The following MARF1 variants were observed in gnomAD, a reference collection of about 807,000 sequenced individuals.
The protein encoded by MARF1 is meiosis regulator and mRNA stability factor 1, also known as limkain-b1.
Under a neutral mutation model 168.2 loss-of-function variants are expected in MARF1, and 24 were observed. That is an observed-to-expected ratio of 0.14 (90% CI 0.10 to 0.20). The LOEUF (loss-of-function observed/expected upper bound fraction) is 0.20. Among genes scored for constraint, MARF1 ranks in the 10% least tolerant of loss-of-function variants. MARF1 has a pLI of 1.00. For synonymous variants in MARF1, 868 were observed against 822.4 expected (o/e 1.06, Z -0.95); for missense variants, 1,744 against 2,143.6 (o/e 0.81, Z 3.68).
Position 15,630,479 on chromosome 16 carries a change from A to G in MARF1, c.1377T>C (p.Leu459=). 2 of 1,613,676 alleles carry G rather than the reference A, an allele frequency of 1.2e-6. No homozygotes were observed. Among genetic ancestry groups the G allele is most frequent in the Non-Finnish European group, 1.7e-6 (2 of 1,179,846 alleles). ...AACCATGCCTGTGTCTCAGGTCACT[A>G]AGTTCCAATGCAAAATTGACATCAG... ...VSTDVNFALE[L]SDLRHRHGFH... Residue 459 remains leucine, a synonymous_variant, in exon 7 of 27, where the codon CTT becomes CTC. Transcript: ENST00000396368.
chr16:15,637,800 T>C (rs2035693176), intron 2 of MARF1, among the ~76,000 whole-genome samples: 2 of 152,192 alleles, frequency 1.3e-5, no homozygotes, highest in Admixed American at 1.3e-4. Flanking sequence ...CCAAATTACT[T>C]GATGTCTTGC....
chr16:15,630,550 C>T, intron 6 of MARF1, 46 bp from the exon 7 acceptor site: 2 of 1,541,472 alleles, frequency 1.3e-6, no homozygotes, highest in Middle Eastern at 2.3e-4. Context: ...ACATTAGAAA[C>T]ACTTGACAAA....
At position 15,629,339 on chromosome 16, in the gene MARF1, T is replaced by C. The variant is rs539967335; in HGVS notation, c.1524+993A>G. Among the ~76,000 whole-genome samples the C allele has an allele frequency of 5.3e-5, 8 of 152,254 alleles. No homozygotes were observed. The South Asian group carries it at 1.2e-3, about 24-fold the overall frequency. Reference sequence around the variant, plus strand: ...GGTATCCACAACTCTCAACTGTCCATAGCATGAGTTTCAACTTAAGCCAGA... The same window carrying C: ...GGTATCCACAACTCTCAACTGTCCACAGCATGAGTTTCAACTTAAGCCAGA... On this transcript the variant is annotated intron_variant, in intron 7 of 26. Transcript: ENST00000396368.
chr16:15,620,565 A>T (rs1467946300), intron 12 of MARF1, 34 bp from the exon 13 acceptor site: 1 of 1,332,770 alleles, frequency 7.5e-7, no homozygotes, highest in Admixed American at 2.0e-5. Context: ...GGAACAGACC[A>T]TTTCCTCCAT....
Position 15,600,074 on chromosome 16 carries a change from G to A in MARF1, c.4813+354C>T, listed in dbSNP as rs527391558. Reference sequence around the variant, plus strand: ...CCACTGAGCCCTCACTCTGCTCCTAGGCTATGTATTGGGAGTTGGCTCTCT... The same window carrying A: ...CCACTGAGCCCTCACTCTGCTCCTAAGCTATGTATTGGGAGTTGGCTCTCT... On this transcript the variant is annotated intron_variant, in intron 25 of 26. Coordinates refer to ENST00000396368, the MANE Select transcript of MARF1 (RefSeq NM_014647.4). Among the ~76,000 whole-genome samples the A allele has an allele frequency of 1.3e-4, 20 of 152,232 alleles. 1 individual carries two copies. In the South Asian group the frequency reaches 4.1e-3, roughly 32 times the overall value.
In MARF1 at chr16:15,625,696, C is replaced by G; in HGVS notation, c.1629G>C (p.Val543=). Reference sequence around the variant, plus strand: ...TTGCACTGCAGCCTGTGATACTCAGCACTTTCCCACCACAATTATCGGACA... The same window carrying G: ...TTGCACTGCAGCCTGTGATACTCAGGACTTTCCCACCACAATTATCGGACA... ...RRLSDNCGGK[V]LSITGCSAIL... is the part of the protein sequence containing the mutation. Residue 543 remains valine (V), a synonymous_variant, in exon 8 of 27, where the codon GTG becomes GTC. Coordinates refer to ENST00000396368, the MANE Select transcript of MARF1 (RefSeq NM_014647.4). 1.2e-6 allele frequency: 2 copies of G among 1,614,232 alleles called. No individual in the cohort carries two copies. The highest frequency in any genetic ancestry group is 1.7e-6 in the Non-Finnish European group (2 of 1,180,040).
intron 22 of MARF1, among the ~76,000 whole-genome samples, chr16:15,603,011 G>A (rs563594174): frequency 3.9e-5 from 6 of 152,302 alleles, no homozygotes; most frequent in Non-Finnish European, 7.3e-5. Flanking sequence ...CTATGGAATC[G>A]CCAAGAGAAA....
At chr16:15,601,026 A>AT (rs1468291073) in intron 23 of MARF1, 21 of 587,260 alleles carry the variant, frequency 3.6e-5, no homozygotes, top group Non-Finnish European at 5.1e-5. Flanking sequence ...GCTCTTTGCC[A>AT]TTTTTTTGCA....
intron 18 of MARF1, 96 bp downstream of exon 18, chr16:15,611,496 T>C: frequency 2.0e-6 from 2 of 999,552 alleles, no homozygotes; most frequent in Non-Finnish European, 2.8e-6. Flanking sequence ...TCCAAAAGAA[T>C]GCTTAATAGA....
Position 15,604,266 on chromosome 16 carries a change from T to C in MARF1, c.4315A>G (p.Arg1439Gly). Residue 1439 changes from arginine (R) to glycine (G), a missense_variant, in exon 22 of 27, where the codon AGA becomes GGA. This residue lies in a region of MARF1 where 74 missense variants were observed against 66.7 expected (regional missense o/e 1.11). Coordinates refer to ENST00000396368, the MANE Select transcript of MARF1 (RefSeq NM_014647.4). ...TTHLSVEELK[R>G]HYESTHNTPL... ...GTGTTGTGGGTACTTTCGTAATGTC[T>C]CTTGAGCTCCTCAACAGAAAGATGG... 6.2e-7 allele frequency: 1 copy of C among 1,614,128 alleles called. No individual in the cohort carries two copies. The highest frequency in any genetic ancestry group is 8.5e-7 in the Non-Finnish European group (1 of 1,179,992).
chr16:15,601,914 T>C (rs2032476234), intron 23 of MARF1, 77 bp downstream of exon 23: 1 of 1,200,252 alleles, frequency 8.3e-7, no homozygotes, highest in Non-Finnish European at 1.2e-6. Context: ...TCTGGCAGCA[T>C]TTTATTTTTC....
At chr16:15,610,381 G>A (rs186781212) in intron 19 of MARF1, 1 of 153,204 alleles carries the variant, frequency 6.5e-6, no homozygotes, top group East Asian at 1.9e-4. Flanking sequence ...ATCGGGTCCA[G>A]GACCCTGCCT....
At chr16:15,616,931 A>T in intron 15 of MARF1, 121 bp downstream of exon 15, 1 of 1,381,882 alleles carries the variant, frequency 7.2e-7, no homozygotes, top group Non-Finnish European at 9.9e-7. Flanking sequence ...TGAAGGCTAA[A>T]CACATGAGGA....
chr16:15,630,145 T>A (rs1405404717), intron 7 of MARF1, 187 bp downstream of exon 7: 1 of 434,112 alleles, frequency 2.3e-6, no homozygotes, highest in African/African-American at 2.0e-5. Flanking sequence ...AAAGCAAACT[T>A]CATACATACC....
In MARF1 at chr16:15,612,748, C is replaced by T. The variant is rs1162308924; in HGVS notation, c.3283G>A (p.Val1095Ile). The stretch of plus-strand genomic sequence containing the variant: ...AACTGGATCAGCTGGGGGTTACCTA[C>T]AGGACTCTTCGAACGCAGAAGCCAA... Reference protein sequence around the residue: ...DPWLLRSKSPVGNPQLIQFSR... With the variant: ...DPWLLRSKSPIGNPQLIQFSR... The change falls in exon 17 of 27, where the codon GTA (valine) becomes ATA (isoleucine). Residue 1095 changes from valine (V) to isoleucine (I), a missense_variant. Transcript: ENST00000396368. 1.9e-6 allele frequency: 3 copies of T among 1,614,132 alleles called. No individual in the cohort carries two copies. Among genetic ancestry groups the T allele is most frequent in the Middle Eastern group, 1.6e-4 (1 of 6,062 alleles).
At chr16:15,635,084 A>G (rs528283247) in intron 3 of MARF1, 153 bp from the exon 4 acceptor site, 3 of 602,432 alleles carry the variant, frequency 5.0e-6, no homozygotes, top group African/African-American at 1.9e-5. Flanking sequence ...CTTTCCAAGA[A>G]CCATTAGCTA....
At chr16:15,607,989 G>T (rs1411924738) in intron 21 of MARF1, among the ~76,000 whole-genome samples, 1 of 152,216 alleles carries the variant, frequency 6.6e-6, no homozygotes, top group East Asian at 1.9e-4. Context: ...TGCTGAGGCA[G>T]CTGCACCTCA....
intron 26 of MARF1, among the ~76,000 whole-genome samples, chr16:15,597,673 C>T (rs1171926081): frequency 6.6e-6 from 1 of 152,204 alleles, no homozygotes; most frequent in Non-Finnish European, 1.5e-5. Context: ...AGCCAGCTCC[C>T]TGCCTAGGCT....
intron 1 of MARF1, among the ~76,000 whole-genome samples, chr16:15,641,406 CGT>C (rs1491300515): frequency 6.6e-6 from 1 of 152,162 alleles, no homozygotes; most frequent in Non-Finnish European, 1.5e-5. Context: ...CTCTCAAAAT[CGT>C]AAGAATCTGT....
Sources: allele counts gnomAD v4.1 joint callset (sites outside exome capture counted in the v4.1 genomes callset), GRCh38; gene constraint gnomAD v4.1.1; regional missense constraint gnomAD v4.1.1; transcripts MANE v1.5; gene names NCBI Gene and HGNC (gene_info 2026-07-23, HGNC 2026-07-21).